Variants in STPG2 observed in about 807,000 individuals in gnomAD.
The protein encoded by STPG2 is sperm-tail PG-rich repeat-containing protein 2.
STPG2 carries 56 observed loss-of-function variants against 54.2 expected under a neutral mutation model. That is an observed-to-expected ratio of 1.03 (90% CI 0.83 to 1.29). The LOEUF is 1.29. Ranked by LOEUF, STPG2 falls within the 50% of genes most tolerant of loss-of-function variation. The pLI is 0.00. For missense variants in STPG2, 596 were observed against 544.9 expected, an observed-to-expected ratio of 1.09 and a Z score of -0.93; for synonymous variants, 200 against 181.8, an observed-to-expected ratio of 1.10 and a Z score of -0.81.
chr4:97,850,323 T>TAAAG (rs922280048), intron 8 of STPG2, among the ~76,000 whole-genome samples: 10 of 131,062 alleles, frequency 7.6e-5, no homozygotes, highest in South Asian at 4.8e-4. Flanking sequence ...AATAAATAAA[T>TAAAG]AAAGAAGTAG....
In STPG2 at chr4:97,517,196, C is replaced by T. The variant is rs375772294; in HGVS notation, c.462+195503G>A. Among the ~76,000 whole-genome samples the T allele has an allele frequency of 3.5e-3, 539 of 152,212 alleles. 5 individuals carry two copies. Among genetic ancestry groups the T allele is most frequent in the African/African-American group, 0.012 (514 of 41,558 alleles). ...GTGCTGGGATTACAGGAGTGAGCCA[C>T]TGCACCCAGCCCATTTAAAAATATT... On this transcript the variant is annotated intron_variant, in intron 4 of 4. Transcript: ENST00000522676.
At chr4:97,713,626 C>T (rs377641474) in intron 9 of STPG2, among the ~76,000 whole-genome samples, 5 of 152,150 alleles carry the variant, frequency 3.3e-5, no homozygotes, top group East Asian at 3.9e-4. Context: ...GGATAGCGTT[C>T]GAGCTCCTAT....
intron 10 of STPG2, among the ~76,000 whole-genome samples, chr4:97,634,507 T>A (rs956667818): frequency 1.3e-5 from 2 of 152,108 alleles, no homozygotes; most frequent in African/African-American, 2.4e-5. Flanking sequence ...TTTGACGAGC[T>A]GAGAGAAGAA....
At chr4:98,007,143 G>A (rs1240279091) in intron 5 of STPG2, among the ~76,000 whole-genome samples, 3 of 152,132 alleles carry the variant, frequency 2.0e-5, no homozygotes, top group South Asian at 2.1e-4. Flanking sequence ...ACACCAGAGT[G>A]CTTTTTCTGA....
rs569740513 is a variant in STPG2 at position 97,822,104 on chromosome 4, A to C, written c.1204+18669T>G. ...TGCTCAGCTTCCCCTTTAAATGTAA[A>C]TTCAAATTAATTTTTAGTTACTTTT... On this transcript the variant is annotated intron_variant, in intron 9 of 10. Coordinates refer to ENST00000295268, the MANE Select transcript of STPG2 (RefSeq NM_174952.3). Among the ~76,000 whole-genome samples the C allele has an allele frequency of 5.9e-5, 9 of 152,142 alleles. No homozygotes were observed. The South Asian group carries it at 1.4e-3, about 25-fold the overall frequency.
intron 10 of STPG2, among the ~76,000 whole-genome samples, chr4:97,566,826 G>A (rs1337737044): frequency 6.8e-6 from 1 of 147,520 alleles, no homozygotes; most frequent in Non-Finnish European, 1.5e-5. Context: ...GGTAGGAACT[G>A]AACAATGAGA....
At chr4:98,114,273 T>C (rs1293683178) in intron 3 of STPG2, among the ~76,000 whole-genome samples, 1 of 152,130 alleles carries the variant, frequency 6.6e-6, no homozygotes, top group Non-Finnish European at 1.5e-5. Context: ...TGTTAGAGTT[T>C]ATTTTTAACT....
At chr4:97,765,603 A>T (rs1726017953) in intron 9 of STPG2, among the ~76,000 whole-genome samples, 1 of 152,142 alleles carries the variant, frequency 6.6e-6, no homozygotes, top group Non-Finnish European at 1.5e-5. Flanking sequence ...AGATATATGG[A>T]GAAGAACTTC....
intron 10 of STPG2, among the ~76,000 whole-genome samples, chr4:97,635,635 G>A (rs902092390): frequency 1.1e-4 from 16 of 152,180 alleles, no homozygotes; most frequent in Non-Finnish European, 1.6e-4. Flanking sequence ...AAAATAAAGG[G>A]ATGGAGGAAG....
chr4:97,901,999 C>A (rs1005311830), intron 8 of STPG2, among the ~76,000 whole-genome samples: 1 of 151,782 alleles, frequency 6.6e-6, no homozygotes, highest in African/African-American at 2.4e-5. Context: ...GGAAATAAAC[C>A]CACACATATA....
At chr4:97,738,005 C>T (rs961577513) in intron 9 of STPG2, among the ~76,000 whole-genome samples, 4 of 152,132 alleles carry the variant, frequency 2.6e-5, no homozygotes, top group South Asian at 2.1e-4. Flanking sequence ...AGGCTAACAG[C>T]GGATCTCTTG....
chr4:97,474,189 T>C (rs190119265), intron 4 of STPG2, among the ~76,000 whole-genome samples: 280 of 151,750 alleles, frequency 1.8e-3, no homozygotes, highest in Middle Eastern at 3.4e-3. Flanking sequence ...GGAACTGGAG[T>C]TTATGGGAAC....
intron 10 of STPG2, among the ~76,000 whole-genome samples, chr4:97,581,478 T>A (rs1230465974): frequency 1.3e-5 from 2 of 152,162 alleles, no homozygotes. Flanking sequence ...TTAGGCAGTG[T>A]AAGTTTAGAT....
At position 97,585,101 on chromosome 4, in the gene STPG2, CAAAAAAAAAAAA is replaced by C. The variant is rs60854805; in HGVS notation, c.1321-25996_1321-25985del. 1.7e-4 allele frequency among the ~76,000 whole-genome samples: 8 copies of C among 46,262 alleles called. No homozygotes were observed. In the Admixed American group the frequency reaches 2.2e-3, roughly 13 times the overall value. 30.3% of individuals were successfully genotyped at this position (46,262 alleles called of 152,430 possible). A position where few individuals can be genotyped will look rare whatever the true frequency, so the allele number is the denominator to read the frequency against. ...ACCAGGAAAGGACATAAAATATTCT[CAAAAAAAAAAAA>C]AAAAAAAAAAACAAAACTACAAGTT... is the stretch of plus-strand genomic sequence containing the variant. On this transcript the variant is annotated intron_variant, in intron 10 of 10. Transcript: ENST00000295268.
chr4:97,832,526 C>T (rs915488030), intron 9 of STPG2, among the ~76,000 whole-genome samples: 1 of 152,022 alleles, frequency 6.6e-6, no homozygotes, highest in Admixed American at 6.6e-5. Flanking sequence ...GGCAATCAGG[C>T]AAGAGAAAGA....
chr4:97,525,379 C>G (rs1731261142), intron 4 of STPG2, among the ~76,000 whole-genome samples: 1 of 151,884 alleles, frequency 6.6e-6, no homozygotes, highest in African/African-American at 2.4e-5. Flanking sequence ...AGCCTACATA[C>G]TTCGTTGAAC....
intron 5 of STPG2, among the ~76,000 whole-genome samples, chr4:98,022,423 T>C (rs1357467620): frequency 6.6e-6 from 1 of 152,194 alleles, no homozygotes; most frequent in Non-Finnish European, 1.5e-5. Flanking sequence ...GTGGGTAACG[T>C]GACCTTTCTC....
At chr4:97,831,708 A>C (rs1028981511) in intron 9 of STPG2, among the ~76,000 whole-genome samples, 3 of 152,222 alleles carry the variant, frequency 2.0e-5, no homozygotes, top group African/African-American at 7.2e-5. Context: ...ATCCCACAAA[A>C]ATACAAACTA....
chr4:97,920,904 G>C (rs1669746), intron 8 of STPG2, among the ~76,000 whole-genome samples: 3,314 of 152,056 alleles, frequency 0.022, 114 homozygotes, highest in African/African-American at 0.074. Flanking sequence ...ACGAAGAGTG[G>C]TATCTGCAAG....
Sources: gnomAD v4.1 joint callset for allele counts (sites outside exome capture counted in the v4.1 genomes callset) on GRCh38, gnomAD v4.1.1 for gene constraint, MANE v1.5 for transcripts, NCBI Gene and HGNC (gene_info 2026-07-23, HGNC 2026-07-21) for gene names.